Variants in F5 observed in about 807,000 individuals in gnomAD.
The protein encoded by F5 is activated protein c cofactor.
A neutral mutation model predicts 216.4 loss-of-function variants in F5; 138 were observed. The ratio of observed to expected loss-of-function variants is 0.64; its 90% CI spans 0.56 to 0.73. F5 has a LOEUF of 0.73. Ranked by LOEUF, F5 falls within the 30% of genes least tolerant of loss-of-function variation. The pLI is 0.00. For missense variants in F5, 2,403 were observed against 2,674.0 expected (o/e 0.90, Z 2.24); for synonymous variants, 916 against 930.7 (o/e 0.98, Z 0.29).
intron 8 of F5, among the ~76,000 whole-genome samples, chr1:169,551,000 C>T (rs116748857): frequency 2.2e-3 from 329 of 152,232 alleles, no homozygotes; most frequent in African/African-American, 7.3e-3. Flanking sequence ...GGAGAAGTGA[C>T]GTTTTCCTCA....
Position 169,514,360 on chromosome 1 carries a change from G to A in F5, c.6628C>T (p.Gln2210Ter). 1 of 1,613,342 alleles carries A rather than the reference G, an allele frequency of 6.2e-7. No individual in the cohort carries two copies. The highest frequency in any genetic ancestry group is 8.5e-7 in the Non-Finnish European group (1 of 1,179,544). ...FIRVIPKTWN[Q>*]SIALRLELFG... ...AGTTCCAGGCGAAGTGCAATACTTT[G>A]ATTCCATGTTTTAGGAATGACACGG... Residue 2210 changes from glutamine (Q) to a stop codon, truncating the protein, a stop_gained, in exon 25 of 25, where the codon CAA (glutamine) becomes TAA (stop). Coordinates refer to ENST00000367797, the MANE Select transcript of F5 (RefSeq NM_000130.5). LOFTEE classifies it high-confidence loss of function.
Position 169,528,113 on chromosome 1 carries a change from G to A in F5, c.5420-19C>T. The A allele has an allele frequency of 6.2e-7, 1 of 1,613,350 alleles. No homozygotes were observed. The highest frequency in any genetic ancestry group is 8.5e-7 in the Non-Finnish European group (1 of 1,179,650). Reference sequence around the variant, plus strand: ...TTAATGGCTGAAAGGACAAAGAGTTGAAATCAATTAAAAATCTGTTGACAC... The same window carrying A: ...TTAATGGCTGAAAGGACAAAGAGTTAAAATCAATTAAAAATCTGTTGACAC... On this transcript the variant is annotated intron_variant, in intron 16 of 24. Coordinates refer to ENST00000367797, the MANE Select transcript of F5 (RefSeq NM_000130.5).
At chr1:169,527,439 A>T (rs1424622324) in intron 17 of F5, among the ~76,000 whole-genome samples, 6 of 152,124 alleles carry the variant, frequency 3.9e-5, no homozygotes, top group Non-Finnish European at 7.4e-5. Flanking sequence ...ATTATTTTTT[A>T]AAAATGTTTT....
chr1:169,545,844 G>A (rs1450303589), intron 11 of F5, among the ~76,000 whole-genome samples: 1 of 152,208 alleles, frequency 6.6e-6, no homozygotes, highest in Non-Finnish European at 1.5e-5. Context: ...CTGGCTCAGT[G>A]ACATTTCTCT....
intron 13 of F5, among the ~76,000 whole-genome samples, chr1:169,540,037 G>A (rs1470569831): frequency 6.6e-6 from 1 of 152,128 alleles, no homozygotes; most frequent in East Asian, 1.9e-4. Flanking sequence ...GTAGTAAGAG[G>A]AGAGGACACA....
chr1:169,542,532 C>G lies in F5; in HGVS notation c.2558G>C (p.Gly853Ala). Residue 853 changes from glycine (G) to alanine (A), a missense_variant, in exon 13 of 25, where the codon GGT (glycine) becomes GCT (alanine). Gly to Ala is a moderately conservative substitution (Grantham distance 60). Around this residue, in one of 4 missense-constraint regions of F5, gnomAD observed 1,425 missense variants for 1,554.8 expected, o/e 0.92. Transcript: ENST00000367797. ...DVTGIRLLSL[G>A]AGEFKSQEHA... Reference sequence around the variant, plus strand: ...TTCTTGACTTTTGAATTCTCCAGCACCAAGTGAAAGTAGACGTATCCCTGT... The same window carrying G: ...TTCTTGACTTTTGAATTCTCCAGCAGCAAGTGAAAGTAGACGTATCCCTGT... The G allele has an allele frequency of 6.2e-7, 1 of 1,614,064 alleles. No homozygotes were observed. Among genetic ancestry groups the G allele is most frequent in the Non-Finnish European group, 8.5e-7 (1 of 1,179,958 alleles).
intron 8 of F5, 112 bp downstream of exon 8, chr1:169,552,445 T>C: frequency 1.1e-6 from 1 of 915,366 alleles, no homozygotes; most frequent in South Asian, 1.6e-5. Flanking sequence ...AAGTTGCATT[T>C]GAATTTAAAA....
intron 3 of F5, among the ~76,000 whole-genome samples, chr1:169,564,461 C>A (rs1368636381): frequency 6.6e-6 from 1 of 152,008 alleles, no homozygotes; most frequent in East Asian, 1.9e-4. Flanking sequence ...AAACACTCTT[C>A]AAGCAGTAAG....
intron 14 of F5, among the ~76,000 whole-genome samples, chr1:169,533,007 A>C (rs896540601): frequency 3.3e-5 from 5 of 152,210 alleles, no homozygotes; most frequent in African/African-American, 1.2e-4. Context: ...CCAAAATAGC[A>C]TGGTACTGAT....
intron 12 of F5, among the ~76,000 whole-genome samples, chr1:169,543,545 C>T (rs929455239): frequency 1.3e-5 from 2 of 152,284 alleles, no homozygotes. Context: ...CCTAACAGCA[C>T]ATCTTGTCTT....
chr1:169,539,005 GA>G (rs2101816557), intron 13 of F5, among the ~76,000 whole-genome samples: 1 of 152,168 alleles, frequency 6.6e-6, no homozygotes, highest in East Asian at 1.9e-4. Flanking sequence ...GACTGTATGT[GA>G]ATCTATTTTA....
At chr1:169,537,987 A>G (rs1659746156) in intron 13 of F5, among the ~76,000 whole-genome samples, 1 of 152,152 alleles carries the variant, frequency 6.6e-6, no homozygotes, top group Admixed American at 6.6e-5. Flanking sequence ...TATATACCCA[A>G]AGAAAATGAA....
intron 19 of F5, 103 bp from the exon 20 acceptor site, chr1:169,524,007 G>T: frequency 1.0e-6 from 1 of 969,402 alleles, no homozygotes; most frequent in Non-Finnish European, 1.6e-6. Flanking sequence ...TGGAGGACCT[G>T]TGTTGTAGTC....
At chr1:169,524,802 G>A in intron 19 of F5, 35 bp downstream of exon 19, 1 of 1,539,986 alleles carries the variant, frequency 6.5e-7, no homozygotes, top group South Asian at 1.1e-5. Flanking sequence ...CAACTGTAGG[G>A]GGTACCATTC....
intron 18 of F5, 37 bp downstream of exon 18, chr1:169,525,864 T>A (rs1659432722): frequency 1.4e-6 from 2 of 1,449,062 alleles, no homozygotes; most frequent in African/African-American, 1.4e-5. Context: ...ATAGGCACTC[T>A]CCTGCCAAAC....
At chr1:169,519,722 C>G (rs1219527465) in intron 22 of F5, among the ~76,000 whole-genome samples, 1 of 152,154 alleles carries the variant, frequency 6.6e-6, no homozygotes, top group Non-Finnish European at 1.5e-5. Flanking sequence ...TTATTGATCC[C>G]TCTTCCCACC....
At chr1:169,519,815 G>A (rs1207883140) in intron 22 of F5, among the ~76,000 whole-genome samples, 1 of 152,146 alleles carries the variant, frequency 6.6e-6, no homozygotes, top group East Asian at 1.9e-4. Flanking sequence ...AGAATGCCAG[G>A]CAGATATTAT....
rs74121682 is a variant in F5 at position 169,521,119 on chromosome 1, G to A, written c.6049-455C>T. Among the ~76,000 whole-genome samples, 528 of 152,284 alleles carry A rather than the reference G, an allele frequency of 3.5e-3. 4 individuals carry two copies. Among genetic ancestry groups the A allele is most frequent in the African/African-American group, 0.011 (464 of 41,542 alleles). ...AAGTACCAGTAAAGGGCAGCATAGC[G>A]AGATATGATAGAAAACTGGTGGACA... On this transcript the variant is annotated intron_variant, in intron 21 of 24. Transcript: ENST00000367797.
chr1:169,520,768 G>T, intron 21 of F5, 104 bp from the exon 22 acceptor site: 2 of 936,984 alleles, frequency 2.1e-6, no homozygotes, highest in South Asian at 1.5e-5. Flanking sequence ...ATTTTCATGG[G>T]GTCCAAACTA....
Sources: allele counts gnomAD v4.1 joint callset (sites outside exome capture counted in the v4.1 genomes callset), GRCh38; gene constraint gnomAD v4.1.1; regional missense constraint gnomAD v4.1.1; transcripts MANE v1.5; gene names NCBI Gene and HGNC (gene_info 2026-07-23, HGNC 2026-07-21).